The following RERE variants were observed in gnomAD, a reference collection of about 807,000 sequenced individuals.
RERE encodes arginine-glutamic acid dipeptide repeats protein.
Under a neutral mutation model 146.1 loss-of-function variants are expected in RERE, and 40 were observed. The observed-to-expected ratio is 0.27, with a 90% CI of 0.21 to 0.36. The LOEUF (loss-of-function observed/expected upper bound fraction) is 0.36, where lower values mean the gene tolerates loss of function less well. RERE is among the 10% of genes least tolerant of loss of function. RERE has a pLI of 1.00. For missense variants in RERE, 1,933 were observed against 2,138.7 expected (o/e 0.90, Z 1.90); for synonymous variants, 1,003 against 866.0 (o/e 1.16, Z -2.78).
At chr1:8,488,498 G>T (rs6674651) in intron 10 of RERE, among the ~76,000 whole-genome samples, 95,055 of 152,024 alleles carry the variant, frequency 0.63, 30,103 homozygotes, top group East Asian at 0.83. Context: ...CGCTCACCTC[G>T]GCCTCCCAAA....
At chr1:8,800,105 C>T (rs1641558345) in intron 1 of RERE, among the ~76,000 whole-genome samples, 1 of 152,098 alleles carries the variant, frequency 6.6e-6, no homozygotes, top group Admixed American at 6.6e-5. Flanking sequence ...TGAGCCACCG[C>T]ACCTGGCCAG....
At chr1:8,511,482 A>C (rs1645334330) in intron 7 of RERE, among the ~76,000 whole-genome samples, 1 of 152,276 alleles carries the variant, frequency 6.6e-6, no homozygotes, top group African/African-American at 2.4e-5. Context: ...TGAGGTGCAG[A>C]CAATGGCATT....
rs1180521992 is a variant in RERE at position 8,610,549 on chromosome 1, T to C, written c.522+4012A>G. ...GGTGCAATGAGCCAAGACCGCACCA[T>C]TGCACTCCAGACGTTGCTCTGGGCG... On this transcript the variant is annotated intron_variant, in intron 4 of 22. Transcript: ENST00000400908. Among the ~76,000 whole-genome samples, 4 of 151,944 alleles carry C rather than the reference T, an allele frequency of 2.6e-5. No individual in the cohort carries two copies. In the South Asian group the frequency reaches 6.2e-4, roughly 24 times the overall value.
At chr1:8,465,011 G>A (rs1644577768) in intron 11 of RERE, 1 of 152,200 alleles carries the variant, frequency 6.6e-6, no homozygotes, top group African/African-American at 2.4e-5. Context: ...TAAAATACAG[G>A]AGAGGAACTT....
chr1:8,510,981 C>CA (rs1570368186), intron 7 of RERE, among the ~76,000 whole-genome samples: 1 of 152,202 alleles, frequency 6.6e-6, no homozygotes, highest in East Asian at 1.9e-4. Flanking sequence ...TCTCAAAACC[C>CA]TGGGCTCAAA....
At chr1:8,724,432 A>G (rs2124477244) in intron 1 of RERE, among the ~76,000 whole-genome samples, 1 of 152,364 alleles carries the variant, frequency 6.6e-6, no homozygotes, top group Non-Finnish European at 1.5e-5. Flanking sequence ...CACTTGCCAG[A>G]ATAAAGAAAA....
chr1:8,540,245 C>G (rs1283555729), intron 7 of RERE, among the ~76,000 whole-genome samples: 5 of 152,030 alleles, frequency 3.3e-5, no homozygotes, highest in African/African-American at 1.2e-4. Context: ...ACAGGTGCAG[C>G]CCACCACGTC....
intron 2 of RERE, among the ~76,000 whole-genome samples, chr1:8,650,895 C>CAA (rs35561280): frequency 2.5e-4 from 36 of 144,874 alleles, no homozygotes; most frequent in South Asian, 8.8e-4. Context: ...GACTCCATCT[C>CAA]AAAAAAAAAT....
chr1:8,740,653 T>C (rs2124501915), intron 1 of RERE, among the ~76,000 whole-genome samples: 1 of 152,360 alleles, frequency 6.6e-6, no homozygotes, highest in South Asian at 2.1e-4. Context: ...AGCTTTATTC[T>C]ATTTTTAAAT....
rs1570050374 is a variant in RERE at position 8,364,684 on chromosome 1, G to T, written c.1540+62C>A. On this transcript the variant is annotated intron_variant, in intron 14 of 22. Coordinates refer to ENST00000400908, the MANE Select transcript of RERE (RefSeq NM_001042681.2). This position sits in a 1 kb window ranked among gnomAD's most constrained non-coding sequence, Gnocchi z 5.1. ...AGGTTTCCAGCTGGATGCATGAAAT[G>T]TTCAGAACATGGAAGTGCTTGTGCC... is the stretch of plus-strand genomic sequence containing the variant. 1 of 1,214,820 alleles carries T rather than the reference G, an allele frequency of 8.2e-7. No individual in the cohort carries two copies. 75.3% of individuals were successfully genotyped at this position (1,214,820 alleles called of 1,614,324 possible).
At chr1:8,365,747 A>G in intron 13 of RERE, 65 bp downstream of exon 13, 6 of 1,575,642 alleles carry the variant, frequency 3.8e-6, no homozygotes, top group East Asian at 2.3e-5. Context: ...ACGGGCCCAG[A>G]GTGGGACAGG....
chr1:8,430,260 T>G (rs302719), intron 11 of RERE, among the ~76,000 whole-genome samples: 49,282 of 151,994 alleles, frequency 0.32, 8,429 homozygotes, highest in African/African-American at 0.4. Context: ...GCACTACTTT[T>G]TCAATAAATA....
chr1:8,789,875 T>C (rs1431658413), intron 1 of RERE, among the ~76,000 whole-genome samples: 3 of 152,168 alleles, frequency 2.0e-5, no homozygotes, highest in Non-Finnish European at 2.9e-5. Context: ...GGATCTTTGG[T>C]CAACTTATTT....
chr1:8,659,442 A>T (rs1638405467), intron 1 of RERE, among the ~76,000 whole-genome samples: 1 of 152,338 alleles, frequency 6.6e-6, no homozygotes, highest in African/African-American at 2.4e-5. Flanking sequence ...CTGTAATCCC[A>T]CCTACTCGGG....
chr1:8,449,577 T>C (rs1339299764), intron 11 of RERE, among the ~76,000 whole-genome samples: 1 of 152,212 alleles, frequency 6.6e-6, no homozygotes, highest in Non-Finnish European at 1.5e-5. Flanking sequence ...TGCTGAAAAA[T>C]GCACATCTAG....
intron 12 of RERE, among the ~76,000 whole-genome samples, chr1:8,386,639 T>C (rs1642691004): frequency 1.4e-5 from 2 of 147,790 alleles, no homozygotes; most frequent in Admixed American, 1.4e-4. Flanking sequence ...AGGCCCTTCA[T>C]GAAAAAGAAA....
intron 4 of RERE, among the ~76,000 whole-genome samples, chr1:8,598,837 C>T (rs898838728): frequency 6.6e-6 from 1 of 152,242 alleles, no homozygotes; most frequent in Non-Finnish European, 1.5e-5. Flanking sequence ...TGCCCATACT[C>T]TTCCTGAGGC....
intron 1 of RERE, among the ~76,000 whole-genome samples, chr1:8,709,626 A>G (rs1253527427): frequency 1.3e-5 from 2 of 152,214 alleles, no homozygotes; most frequent in Admixed American, 6.5e-5. Flanking sequence ...TTATACAGCA[A>G]GTCACTTCTC....
chr1:8,635,311 G>C (rs1647084241), intron 2 of RERE, among the ~76,000 whole-genome samples: 1 of 152,144 alleles, frequency 6.6e-6, no homozygotes. Context: ...GAATTCTAGG[G>C]TTGTAAGGGA....
Sources: allele counts gnomAD v4.1 joint callset (sites outside exome capture counted in the v4.1 genomes callset), GRCh38; gene constraint gnomAD v4.1.1; non-coding constraint Gnocchi (gnomAD v3.1); transcripts MANE v1.5; gene names NCBI Gene and HGNC (gene_info 2026-07-23, HGNC 2026-07-21).